The following SUN2 variants were observed in gnomAD, a reference collection of about 807,000 sequenced individuals.
SUN2 encodes Sad1 and UNC84 domain containing 2.
Under a neutral mutation model 100.0 loss-of-function variants are expected in SUN2, and 60 were observed. The observed-to-expected ratio is 0.60, with a 90% CI of 0.49 to 0.74. The LOEUF is 0.74. Among genes scored for constraint, SUN2 ranks in the 30% least tolerant of loss-of-function variants. SUN2 has a pLI of 0.00. For synonymous variants in SUN2, 367 were observed against 403.3 expected, an observed-to-expected ratio of 0.91 and a Z score of 1.08; for missense variants, 834 against 954.6, an observed-to-expected ratio of 0.87 and a Z score of 1.66.
chr22:38,750,261 C>T lies in SUN2; in HGVS notation c.484G>A (p.Ala162Thr). ...GCCACCATCCAGAGTAAGGAGCCCG[C>T]CCGTGAGACGGCGCTTCGGAGCCGC... ...SSRLRSAVSR[A>T]GSLLWMVATS... The change falls in exon 5 of 18, where the codon GCG (alanine) becomes ACG (threonine). Residue 162 changes from alanine to threonine, a missense_variant. Ala to Thr is a moderately conservative substitution (Grantham distance 58, BLOSUM62 0). Around this residue, in one of 3 missense-constraint regions of SUN2, gnomAD observed 559 missense variants for 597.7 expected, o/e 0.94. Coordinates refer to ENST00000689035, the MANE Select transcript of SUN2 (RefSeq NM_015374.3). 3 of 1,613,798 alleles carry T rather than the reference C, an allele frequency of 1.9e-6. No individual in the cohort carries two copies. The highest frequency in any genetic ancestry group is 2.5e-6 in the Non-Finnish European group (3 of 1,179,894).
chr22:38,736,143 A>G lies in SUN2; in HGVS notation c.*124T>C, dbSNP rs745562110. On this transcript the variant is annotated 3_prime_UTR_variant, in exon 18 of 18. Transcript: ENST00000689035. ...GACCCTGCCCGTCCTTTTCATCTGCATGGGGCCACAGGCTCCTCTCTTGTG... is the reference window on the plus strand; with the variant it reads ...GACCCTGCCCGTCCTTTTCATCTGCGTGGGGCCACAGGCTCCTCTCTTGTG... 2.1e-6 allele frequency: 2 copies of G among 949,328 alleles called. No homozygotes were observed. The highest frequency in any genetic ancestry group is 2.0e-5 in the Admixed American group (1 of 50,890). 58.8% of individuals were successfully genotyped at this position (949,328 alleles called of 1,614,324 possible).
In SUN2 at chr22:38,751,432, A is replaced by G. The variant is rs7286562; in HGVS notation, c.123-59T>C. 3.3e-4 allele frequency: 524 copies of G among 1,593,062 alleles called. No homozygotes were observed. The African/African-American group carries it at 4.0e-3, about 12-fold the overall frequency. On this transcript the variant is annotated intron_variant, in intron 2 of 17. Coordinates refer to ENST00000689035, the MANE Select transcript of SUN2 (RefSeq NM_015374.3). ...CAGGGAGGTGAGCCCAGCCAGGAGCATGAAGGAAAGCCACAGCCTGCGGCC... is the reference window on the plus strand; with the variant it reads ...CAGGGAGGTGAGCCCAGCCAGGAGCGTGAAGGAAAGCCACAGCCTGCGGCC...
Position 38,738,206 on chromosome 22 carries a change from C to G in SUN2, c.2007G>C (p.Gln669His), listed in dbSNP as rs758483512. ...GTLLGKFTYD[Q>H]DGEPIQTFHF... Reference sequence around the variant, plus strand: ...GAAACGTCTGAATAGGCTCGCCGTCCTGATCGTAAGTGAACTTGCCAAGGA... The same window carrying G: ...GAAACGTCTGAATAGGCTCGCCGTCGTGATCGTAAGTGAACTTGCCAAGGA... Residue 669 changes from glutamine to histidine, a missense_variant, in exon 17 of 18, where the codon CAG becomes CAC. Around this residue, in one of 3 missense-constraint regions of SUN2, gnomAD observed 80 missense variants for 76.7 expected, o/e 1.04. Transcript: ENST00000689035. This position sits in a 1 kb window ranked among gnomAD's most constrained non-coding sequence, Gnocchi z 6.6. The G allele has an allele frequency of 6.2e-7, 1 of 1,614,002 alleles. No individual in the cohort carries two copies. Among genetic ancestry groups the G allele is most frequent in the East Asian group, 2.2e-5 (1 of 44,872 alleles).
intron 7 of SUN2, among the ~76,000 whole-genome samples, chr22:38,746,222 T>TG (rs2092902336): frequency 6.6e-6 from 1 of 151,960 alleles, no homozygotes; most frequent in Admixed American, 6.6e-5. Context: ...TGGCCTGGGG[T>TG]GGGGCCCCTG....
rs1211383877 is a variant in SUN2 at position 38,749,805 on chromosome 22, GT to G, written c.574del (p.Thr192ProfsTer12). ...WWAGTTWYRL[T>X]TAASLLDVFV... ...GACGTCAAGGAGGGAGGCAGCTGTGGTCAGGCGGTACCAGGTGGTGCCAGCC... is the reference window on the plus strand; with the variant it reads ...GACGTCAAGGAGGGAGGCAGCTGTGGCAGGCGGTACCAGGTGGTGCCAGCC... On this transcript the variant is annotated frameshift_variant, in exon 6 of 18. Coordinates refer to ENST00000689035, the MANE Select transcript of SUN2 (RefSeq NM_015374.3). LOFTEE classifies it high-confidence loss of function. 6.2e-7 allele frequency: 1 copy of G among 1,614,134 alleles called. No homozygotes were observed. The highest frequency in any genetic ancestry group is 8.5e-7 in the Non-Finnish European group (1 of 1,180,022).
At chr22:38,742,860 G>A in intron 8 of SUN2, 1 of 300,410 alleles carries the variant, frequency 3.3e-6, no homozygotes, top group Admixed American at 4.9e-5. Flanking sequence ...TGCAGGGATG[G>A]TCCAGGAGGA....
rs982038640 is a variant in SUN2, at chr22:38,755,728, C to A, written c.-38+35G>T. The stretch of plus-strand genomic sequence containing the variant: ...GACCCGGGGTCAGGCCGGGCCGCGG[C>A]CCCCCAACCCTCTCCTGAGCTCGCC... On this transcript the variant is annotated intron_variant, in intron 1 of 17. Coordinates refer to ENST00000689035, the MANE Select transcript of SUN2 (RefSeq NM_015374.3). The surrounding 1 kb of genome is among the most constrained non-coding windows in gnomAD (Gnocchi z 5.7). 2 of 984,906 alleles carry A rather than the reference C, an allele frequency of 2.0e-6. No homozygotes were observed. Among genetic ancestry groups the A allele is most frequent in the Admixed American group, 1.2e-4 (2 of 16,234 alleles). 61.0% of individuals were successfully genotyped at this position (984,906 alleles called of 1,614,324 possible).
intron 2 of SUN2, among the ~76,000 whole-genome samples, 178 bp downstream of exon 2, chr22:38,752,329 G>A (rs1288387098): frequency 6.6e-6 from 1 of 152,234 alleles, no homozygotes; most frequent in Non-Finnish European, 1.5e-5. Flanking sequence ...TGGGTGCTGT[G>A]TGCTCATACA....
At chr22:38,744,383 G>C (rs565711074) in intron 8 of SUN2, among the ~76,000 whole-genome samples, 1 of 151,442 alleles carries the variant, frequency 6.6e-6, no homozygotes, top group Non-Finnish European at 1.5e-5. Flanking sequence ...TTCAAGACCA[G>C]CCTGGCAACA....
At chr22:38,742,678 A>G in intron 8 of SUN2, 123 bp from the exon 9 acceptor site, 2 of 1,299,592 alleles carry the variant, frequency 1.5e-6, no homozygotes, top group Non-Finnish European at 2.1e-6. Context: ...TTCCAGCATA[A>G]GGCCATGCAG....
Position 38,745,875 on chromosome 22 carries a change from G to T in SUN2, c.686-64C>A, listed in dbSNP as rs559496511. 7.0e-6 allele frequency: 11 copies of T among 1,578,590 alleles called. No homozygotes were observed. In the Admixed American group the frequency reaches 2.0e-4, roughly 29 times the overall value. ...CCAGCAAGAGGCGCGCGCCAGGGAG[G>T]ATGGCTACCTGATCCCTGCCAGTGC... On this transcript the variant is annotated intron_variant, in intron 7 of 17. Transcript: ENST00000689035.
chr22:38,754,463 G>A (rs2092970190), intron 1 of SUN2, among the ~76,000 whole-genome samples: 1 of 152,208 alleles, frequency 6.6e-6, no homozygotes, highest in African/African-American at 2.4e-5. Context: ...TCCTGGCCTT[G>A]TTGGCATCTT....
At chr22:38,754,930 T>C (rs1206616353) in intron 1 of SUN2, 2 of 1,289,248 alleles carry the variant, frequency 1.6e-6, no homozygotes, top group Non-Finnish European at 1.0e-6. Flanking sequence ...ATGAAAAAGG[T>C]CGAGGCCCCA....
At chr22:38,750,127 C>T in intron 5 of SUN2, 98 bp downstream of exon 5, 1 of 1,523,098 alleles carries the variant, frequency 6.6e-7, no homozygotes, top group Non-Finnish European at 8.9e-7. Flanking sequence ...AATGGTCCTA[C>T]AGTCTCTCTG....
At chr22:38,752,364 G>T (rs1417556124) in intron 2 of SUN2, 143 bp downstream of exon 2, 3 of 1,006,768 alleles carry the variant, frequency 3.0e-6, no homozygotes, top group Non-Finnish European at 4.4e-6. Context: ...GGACCCCCTC[G>T]ACCGGACGGG....
At chr22:38,751,145 C>T (rs1193549327) in intron 3 of SUN2, 65 bp downstream of exon 3, 2 of 1,605,916 alleles carry the variant, frequency 1.2e-6, no homozygotes, top group East Asian at 2.2e-5. Context: ...GCAGGGGACA[C>T]TGTGAGGAGT....
chr22:38,743,829 G>A (rs2092880131), intron 8 of SUN2: 2 of 152,158 alleles, frequency 1.3e-5, no homozygotes, highest in Non-Finnish European at 2.9e-5. Flanking sequence ...AGTCATAGAT[G>A]ACATGTCATT....
In SUN2 at chr22:38,739,261, C is replaced by A; in HGVS notation, c.1663+81G>T. The stretch of plus-strand genomic sequence containing the variant: ...ATCCTGAGCTTTGCTTGCTCTGCCC[C>A]ACCACCAACCTGGTAGATGCCAGGG... On this transcript the variant is annotated intron_variant, in intron 14 of 17. Transcript: ENST00000689035. The surrounding 1 kb of genome is among the most constrained non-coding windows in gnomAD (Gnocchi z 6.7). The A allele has an allele frequency of 1.4e-6, 2 of 1,474,714 alleles. No individual in the cohort carries two copies. Among genetic ancestry groups the A allele is most frequent in the Non-Finnish European group, 1.9e-6 (2 of 1,054,440 alleles). The allele number at this position is 1,474,714 out of a possible 1,614,324, so 91.4% of individuals were successfully genotyped here.
chr22:38,748,308 T>G (rs1423188917), intron 7 of SUN2, among the ~76,000 whole-genome samples: 2 of 152,142 alleles, frequency 1.3e-5, no homozygotes, highest in Non-Finnish European at 2.9e-5. Context: ...GAGCAAAAAC[T>G]CTGTCTCAAA....
Sources: gnomAD v4.1 joint callset for allele counts (sites outside exome capture counted in the v4.1 genomes callset) on GRCh38, gnomAD v4.1.1 for gene constraint, gnomAD v4.1.1 regional missense constraint, Gnocchi (gnomAD v3.1) non-coding constraint, MANE v1.5 for transcripts, NCBI Gene and HGNC (gene_info 2026-07-23, HGNC 2026-07-21) for gene names.